The following ANO2 variants were observed in gnomAD, a reference collection of about 807,000 sequenced individuals.
ANO2 encodes the protein anoctamin-2.
Under a neutral mutation model 124.2 loss-of-function variants are expected in ANO2, and 101 were observed. The observed-to-expected ratio is 0.81, with a 90% confidence interval of 0.69 to 0.96. ANO2 has a LOEUF of 0.96. Ranked by LOEUF, ANO2 falls within the 40% of genes least tolerant of loss-of-function variation. The probability of loss-of-function intolerance (pLI) is 0.00; values close to 1 mark genes in which losing one functional copy is unlikely to be tolerated. For synonymous variants in ANO2, 486 were observed against 482.5 expected (o/e 1.01, Z -0.09); for missense variants, 1,293 against 1,274.5 (o/e 1.01, Z -0.22).
intron 3 of ANO2, among the ~76,000 whole-genome samples, chr12:5,914,149 A>G (rs371136641): frequency 7.2e-5 from 11 of 152,204 alleles, no homozygotes; most frequent in East Asian, 3.9e-4. Context: ...GCAGTGAGCC[A>G]AGATTGCGCT....
chr12:5,647,516 T>C (rs2136955479), intron 15 of ANO2, among the ~76,000 whole-genome samples: 1 of 152,268 alleles, frequency 6.6e-6, no homozygotes, highest in South Asian at 2.1e-4. Flanking sequence ...AGAAGCACCA[T>C]CTCGCAACCC....
rs569645709 is a variant in ANO2, at chr12:5,922,730, G to A, written c.97C>T (p.His33Tyr). Residue 33 changes from histidine (H) to tyrosine (Y), a missense_variant, in exon 2 of 25, where the codon CAT becomes TAT. Coordinates refer to ENST00000682330, the MANE Select transcript of ANO2 (RefSeq NM_001364791.2). ...AGSRGGQGPKHGQQCLKMPGP... is the reference protein window; with the variant it reads ...AGSRGGQGPKYGQQCLKMPGP... ...GGCATCTTGAGACACTGCTGTCCAT[G>A]TTTGGGGCCCTGGCCCCCTCTGGAC... 2 of 1,601,168 alleles carry A rather than the reference G, an allele frequency of 1.2e-6. No individual in the cohort carries two copies. Among genetic ancestry groups the A allele is most frequent in the Admixed American group, 1.7e-5 (1 of 58,620 alleles).
intron 19 of ANO2, among the ~76,000 whole-genome samples, chr12:5,610,718 A>G (rs1488011896): frequency 1.2e-5 from 1 of 83,382 alleles, no homozygotes; most frequent in Non-Finnish European, 2.4e-5. Context: ...GTGTACACAT[A>G]TATACATATA....
chr12:5,888,494 A>G (rs56394343), intron 3 of ANO2, among the ~76,000 whole-genome samples: 16,751 of 152,088 alleles, frequency 0.11, 2,115 homozygotes, highest in African/African-American at 0.31. Flanking sequence ...ACAGAGAGCC[A>G]ATTGGTCTAT....
rs952360258 is a variant in ANO2 at position 5,615,249 on chromosome 12, G to C, written c.1865C>G (p.Ala622Gly). Residue 622 changes from alanine to glycine, a missense_variant, in exon 17 of 25, where the codon GCT becomes GGT. Coordinates refer to ENST00000682330, the MANE Select transcript of ANO2 (RefSeq NM_001364791.2). ...GGCATTGACAAACTTGAGCAAGAAAGCTTTGAGGATCAGGCGCTCTTCAAA... is the reference window on the plus strand; with the variant it reads ...GGCATTGACAAACTTGAGCAAGAAACCTTTGAGGATCAGGCGCTCTTCAAA... ...QTFEERLILK[A>G]FLLKFVNAYS... The C allele has an allele frequency of 1.2e-6, 2 of 1,613,786 alleles. No individual in the cohort carries two copies. The highest frequency in any genetic ancestry group is 2.7e-5 in the African/African-American group (2 of 75,058).
chr12:5,871,025 T>C (rs1332099650), intron 3 of ANO2, among the ~76,000 whole-genome samples: 1 of 152,222 alleles, frequency 6.6e-6, no homozygotes, highest in Non-Finnish European at 1.5e-5. Flanking sequence ...GATTTTTTTA[T>C]TAAAAAAGCA....
intron 14 of ANO2, among the ~76,000 whole-genome samples, chr12:5,678,459 G>A (rs554093967): frequency 3.3e-5 from 5 of 152,230 alleles, no homozygotes; most frequent in African/African-American, 9.6e-5. Context: ...CCAAATTCTC[G>A]GCCTTCTCTT....
intron 17 of ANO2, among the ~76,000 whole-genome samples, chr12:5,613,809 A>T (rs914981814): frequency 6.6e-6 from 1 of 152,206 alleles, no homozygotes; most frequent in Non-Finnish European, 1.5e-5. Context: ...AGTATAGCAC[A>T]GTTCTTCTAA....
intron 14 of ANO2, among the ~76,000 whole-genome samples, chr12:5,695,600 G>A (rs539625945): frequency 6.6e-6 from 1 of 152,316 alleles, no homozygotes; most frequent in South Asian, 2.1e-4. Flanking sequence ...CAGCACTTTG[G>A]GAGGCTGAGG....
intron 10 of ANO2, among the ~76,000 whole-genome samples, chr12:5,760,314 A>G (rs1387069549): frequency 6.6e-6 from 1 of 152,198 alleles, no homozygotes; most frequent in Non-Finnish European, 1.5e-5. Flanking sequence ...AGAAAAATGC[A>G]ATCTACCAAG....
chr12:5,682,066 G>A (rs985306751), intron 14 of ANO2, among the ~76,000 whole-genome samples: 1 of 152,074 alleles, frequency 6.6e-6, no homozygotes, highest in African/African-American at 2.4e-5. Context: ...AAGGAAGAAG[G>A]AAAAAAATGA....
chr12:5,789,355 C>T (rs1952632747), intron 10 of ANO2, among the ~76,000 whole-genome samples: 1 of 152,258 alleles, frequency 6.6e-6, no homozygotes. Context: ...TACCATTGCC[C>T]TCATCCAGAC....
chr12:5,638,656 T>C (rs1558507), intron 15 of ANO2, among the ~76,000 whole-genome samples: 41,440 of 151,510 alleles, frequency 0.27, 6,010 homozygotes, highest in Admixed American at 0.36. Context: ...CAAAAGGAGG[T>C]TTGTCTTTTA....
intron 14 of ANO2, among the ~76,000 whole-genome samples, chr12:5,702,854 C>G (rs1949462189): frequency 6.6e-6 from 1 of 152,150 alleles, no homozygotes; most frequent in Non-Finnish European, 1.5e-5. Context: ...AAATTAAAAT[C>G]TACTATCAGC....
At chr12:5,763,833 G>C (rs1435444501) in intron 10 of ANO2, among the ~76,000 whole-genome samples, 1 of 151,924 alleles carries the variant, frequency 6.6e-6, no homozygotes, top group East Asian at 1.9e-4. Context: ...AAAGATTAGA[G>C]CATAAATCAA....
intron 1 of ANO2, among the ~76,000 whole-genome samples, chr12:5,933,643 T>G (rs569312572): frequency 6.6e-6 from 1 of 152,348 alleles, no homozygotes; most frequent in East Asian, 1.9e-4. Flanking sequence ...TCCACTGTCT[T>G]GAGGCTTACA....
chr12:5,598,674 C>A (rs148863430), intron 20 of ANO2, among the ~76,000 whole-genome samples: 4 of 152,280 alleles, frequency 2.6e-5, no homozygotes, highest in African/African-American at 9.6e-5. Context: ...AGCTCTTGAT[C>A]TTTGGTATCC....
intron 10 of ANO2, among the ~76,000 whole-genome samples, chr12:5,761,441 A>T (rs967988766): frequency 3.3e-5 from 5 of 152,170 alleles, no homozygotes; most frequent in Non-Finnish European, 5.9e-5. Context: ...GTAAAAAAAA[A>T]TTGGCCATCT....
intron 7 of ANO2, among the ~76,000 whole-genome samples, chr12:5,809,073 A>G (rs750151926): frequency 9.2e-5 from 14 of 152,214 alleles, no homozygotes; most frequent in Non-Finnish European, 1.0e-4. Context: ...CTTCCTTGGC[A>G]TGCACATAAA....
Sources: gnomAD v4.1 joint callset for allele counts (sites outside exome capture counted in the v4.1 genomes callset) on GRCh38, gnomAD v4.1.1 for gene constraint, MANE v1.5 for transcripts, NCBI Gene and HGNC (gene_info 2026-07-23, HGNC 2026-07-21) for gene names.